TAFA2: variants seen among roughly 807,000 people sequenced by gnomAD.
The protein encoded by TAFA2 is chemokine-like protein TAFA-2.
Under a neutral mutation model 18.8 loss-of-function variants are expected in TAFA2, and 7 were observed. The observed-to-expected ratio is 0.37, with a 90% CI of 0.21 to 0.70. TAFA2 has a LOEUF of 0.70. Ranked by LOEUF, TAFA2 falls within the 30% of genes least tolerant of loss-of-function variation. The probability of loss-of-function intolerance (pLI) is 0.53; values close to 1 mark genes in which losing one functional copy is unlikely to be tolerated. For missense variants in TAFA2, 122 were observed against 158.1 expected, an observed-to-expected ratio of 0.77 and a Z score of 1.23; for synonymous variants, 60 against 54.2, an observed-to-expected ratio of 1.11 and a Z score of -0.47.
At chr12:62,014,424 A>C (rs1880863322) in intron 1 of TAFA2, among the ~76,000 whole-genome samples, 1 of 152,104 alleles carries the variant, frequency 6.6e-6, no homozygotes, top group African/African-American at 2.4e-5. Context: ...TGCCCAGAAA[A>C]TCAAGACCAG....
chr12:61,735,584 C>T (rs1319350058), intron 4 of TAFA2, among the ~76,000 whole-genome samples: 1 of 152,090 alleles, frequency 6.6e-6, no homozygotes, highest in Admixed American at 6.6e-5. Context: ...ATCTGAGTTG[C>T]AGCTACCATT....
chr12:62,121,814 A>G (rs1408699808), intron 1 of TAFA2, among the ~76,000 whole-genome samples: 1 of 152,238 alleles, frequency 6.6e-6, no homozygotes, highest in African/African-American at 2.4e-5. Flanking sequence ...TATTCTGTCC[A>G]TGGTTCAAAA....
chr12:61,741,304 ATG>A (rs145220936), intron 4 of TAFA2, among the ~76,000 whole-genome samples: 3 of 150,422 alleles, frequency 2.0e-5, no homozygotes, highest in African/African-American at 7.3e-5. Context: ...GTGTGTGTGT[ATG>A]TGTCTCCATC....
At chr12:61,739,085 G>A (rs1184771679) in intron 4 of TAFA2, among the ~76,000 whole-genome samples, 1 of 152,008 alleles carries the variant, frequency 6.6e-6, no homozygotes, top group African/African-American at 2.4e-5. Flanking sequence ...AGAAATCTAT[G>A]TGGCAGATAT....
chr12:62,003,404 C>G (rs1021498118), intron 1 of TAFA2, among the ~76,000 whole-genome samples: 1 of 152,164 alleles, frequency 6.6e-6, no homozygotes, highest in African/African-American at 2.4e-5. Flanking sequence ...ATTAGACAAG[C>G]TCCCACCTCA....
intron 1 of TAFA2, among the ~76,000 whole-genome samples, chr12:62,128,095 C>A (rs192088374): frequency 1.3e-5 from 2 of 151,832 alleles, no homozygotes; most frequent in Admixed American, 1.3e-4. Flanking sequence ...GGACATGTTG[C>A]GATTAAGGTG....
chr12:61,834,484 T>G (rs918712802), intron 2 of TAFA2, among the ~76,000 whole-genome samples: 1 of 152,194 alleles, frequency 6.6e-6, no homozygotes, highest in African/African-American at 2.4e-5. Flanking sequence ...GGAAGCCTGA[T>G]AGTTCCTTCA....
At chr12:62,253,208 T>C (rs888085347) in intron 1 of TAFA2, 1 of 152,200 alleles carries the variant, frequency 6.6e-6, no homozygotes, top group Non-Finnish European at 1.5e-5. Context: ...ATGCCAACCA[T>C]TGGAGTCATT....
chr12:62,122,592 C>G (rs1442399075), intron 1 of TAFA2, among the ~76,000 whole-genome samples: 1 of 152,132 alleles, frequency 6.6e-6, no homozygotes, highest in Non-Finnish European at 1.5e-5. Context: ...AGCTAGGTCA[C>G]ACAGTTATTT....
rs569577101 is a variant in TAFA2 at position 62,074,474 on chromosome 12, T to C, written c.-2+116785A>G. On this transcript the variant is annotated intron_variant, in intron 1 of 4. Transcript: ENST00000416284. ...ATAATTTATTAAAATTAAGTGGTGA[T>C]AAGTTTATTAATTTTGGAACTTCTG... Among the ~76,000 whole-genome samples the C allele has an allele frequency of 4.6e-5, 7 of 152,350 alleles. No individual in the cohort carries two copies. In the South Asian group the frequency reaches 1.0e-3, roughly 23 times the overall value.
At chr12:61,875,446 G>A (rs1215387223) in intron 1 of TAFA2, among the ~76,000 whole-genome samples, 1 of 151,912 alleles carries the variant, frequency 6.6e-6, no homozygotes, top group Non-Finnish European at 1.5e-5. Context: ...GGAAAATAAG[G>A]TACGGTTATA....
intron 1 of TAFA2, among the ~76,000 whole-genome samples, chr12:62,124,420 C>T (rs1318126235): frequency 6.6e-6 from 1 of 151,902 alleles, no homozygotes; most frequent in East Asian, 1.9e-4. Flanking sequence ...CAGTCACACA[C>T]ACCAAGAAAT....
intron 2 of TAFA2, among the ~76,000 whole-genome samples, chr12:61,851,466 A>G (rs887830223): frequency 2.0e-5 from 3 of 152,162 alleles, no homozygotes; most frequent in Non-Finnish European, 2.9e-5. Flanking sequence ...TTTGTCATCC[A>G]TGTTACAAGT....
chr12:61,813,725 A>T (rs1451004150), intron 2 of TAFA2, among the ~76,000 whole-genome samples: 2 of 151,494 alleles, frequency 1.3e-5, no homozygotes, highest in African/African-American at 4.9e-5. Context: ...TGGACTCTAC[A>T]GTCATACTTC....
At chr12:61,938,440 G>A (rs1385742155) in intron 1 of TAFA2, among the ~76,000 whole-genome samples, 3 of 152,010 alleles carry the variant, frequency 2.0e-5, no homozygotes, top group Admixed American at 6.6e-5. Context: ...TACACAGAGA[G>A]GGAAACAACA....
intron 1 of TAFA2, among the ~76,000 whole-genome samples, chr12:61,992,877 C>T (rs1342623532): frequency 6.6e-6 from 1 of 152,196 alleles, no homozygotes; most frequent in Non-Finnish European, 1.5e-5. Context: ...AAAGAATAGA[C>T]TGAATGATTA....
intron 1 of TAFA2, among the ~76,000 whole-genome samples, chr12:62,013,326 CA>C (rs1394749611): frequency 6.6e-6 from 1 of 152,132 alleles, no homozygotes; most frequent in East Asian, 1.9e-4. Flanking sequence ...AATCACAGCA[CA>C]TAACAGGTTT....
At chr12:61,932,236 T>G (rs1215238552) in intron 1 of TAFA2, among the ~76,000 whole-genome samples, 1 of 152,224 alleles carries the variant, frequency 6.6e-6, no homozygotes, top group African/African-American at 2.4e-5. Context: ...TGATTCCAGC[T>G]GACTGGTGCC....
intron 2 of TAFA2, among the ~76,000 whole-genome samples, chr12:61,827,867 A>T (rs1273171488): frequency 6.6e-6 from 1 of 151,998 alleles, no homozygotes; most frequent in Admixed American, 6.6e-5. Flanking sequence ...TAAATCCTCC[A>T]TGTGTTCAAA....
Sources: allele counts gnomAD v4.1 joint callset (sites outside exome capture counted in the v4.1 genomes callset), GRCh38; gene constraint gnomAD v4.1.1; transcripts MANE v1.5; gene names NCBI Gene and HGNC (gene_info 2026-07-23, HGNC 2026-07-21).